PCDHA3: variants seen among roughly 807,000 people sequenced by gnomAD.
PCDHA3 encodes protocadherin alpha-3.
Under a neutral mutation model 62.2 loss-of-function variants are expected in PCDHA3, and 41 were observed. The ratio of observed to expected loss-of-function variants is 0.66; its 90% confidence interval spans 0.51 to 0.86. PCDHA3 has a LOEUF of 0.86. Ranked by LOEUF, PCDHA3 falls within the 40% of genes least tolerant of loss-of-function variation. The probability of loss-of-function intolerance (pLI) is 0.00; values close to 1 mark genes in which losing one functional copy is unlikely to be tolerated. For synonymous variants in PCDHA3, 640 were observed against 555.4 expected, an observed-to-expected ratio of 1.15 and a Z score of -2.14; for missense variants, 1,304 against 1,241.2, an observed-to-expected ratio of 1.05 and a Z score of -0.76.
At chr5:140,804,886 C>G in intron 1 of PCDHA3, 6 of 637,684 alleles carry the variant, frequency 9.4e-6, no homozygotes, top group Non-Finnish European at 1.5e-5. Flanking sequence ...TGACTCCTCT[C>G]CTTCCCCTCA....
At chr5:140,876,499 G>T in intron 1 of PCDHA3, 1 of 1,614,028 alleles carries the variant, frequency 6.2e-7, no homozygotes, top group South Asian at 1.1e-5. Flanking sequence ...AGTTCTGGAC[G>T]TGAATGACAA....
At chr5:140,985,128 G>A (rs908196925) in intron 3 of PCDHA3, among the ~76,000 whole-genome samples, 3 of 152,056 alleles carry the variant, frequency 2.0e-5, no homozygotes, top group Admixed American at 6.6e-5. Flanking sequence ...TAGTAAAGAC[G>A]GGGTTTCACC....
intron 3 of PCDHA3, among the ~76,000 whole-genome samples, chr5:141,001,365 T>C (rs577695639): frequency 6.6e-6 from 1 of 152,354 alleles, no homozygotes; most frequent in African/African-American, 2.4e-5. Context: ...AGCCTACTAT[T>C]CTGATTACAG....
chr5:140,856,074 G>A, intron 1 of PCDHA3: 1 of 1,592,254 alleles, frequency 6.3e-7, no homozygotes, highest in Non-Finnish European at 8.6e-7. Context: ...AGCTGCCTGG[G>A]GGTCCAGTGT....
chr5:140,870,218 G>A, intron 1 of PCDHA3: 1 of 1,614,172 alleles, frequency 6.2e-7, no homozygotes, highest in Non-Finnish European at 8.5e-7. Context: ...GCCCTGATCA[G>A]CGTGTCTGAC....
intron 1 of PCDHA3, among the ~76,000 whole-genome samples, chr5:140,909,018 A>AT: frequency 6.6e-6 from 1 of 152,230 alleles, no homozygotes; most frequent in East Asian, 1.9e-4. Context: ...AGGTTCCTGA[A>AT]TTTTAGTCAT....
intron 1 of PCDHA3, among the ~76,000 whole-genome samples, chr5:140,914,158 C>T (rs1041086072): frequency 1.2e-4 from 18 of 152,276 alleles, no homozygotes; most frequent in East Asian, 9.6e-4. Flanking sequence ...CTGTCCAATA[C>T]GGAAAGTGGG....
rs1347571265 is a variant in PCDHA3, at chr5:140,848,315, C to T, written c.2394+44724C>T. On this transcript the variant is annotated intron_variant, in intron 1 of 3. Transcript: ENST00000522353. ...GGCCACGTGATGTCACTCTTTGCCG[C>T]GATGTTCTCTCTGAATCCAGACAAA... is the stretch of plus-strand genomic sequence containing the variant. 5.4e-6 allele frequency: 4 copies of T among 741,056 alleles called. 1 individual carries two copies. Among genetic ancestry groups the T allele is most frequent in the East Asian group, 5.0e-5 (2 of 40,334 alleles). 45.9% of individuals were successfully genotyped at this position (741,056 alleles called of 1,614,324 possible).
At chr5:140,843,005 G>T in intron 1 of PCDHA3, 1 of 1,595,030 alleles carries the variant, frequency 6.3e-7, no homozygotes, top group East Asian at 2.2e-5. Flanking sequence ...GAATGACAAC[G>T]CGCCGGCACT....
In PCDHA3 at chr5:140,858,360, G is replaced by A. The variant is rs782369682; in HGVS notation, c.2394+54769G>A. The stretch of plus-strand genomic sequence containing the variant: ...CCCAAGGCGGACCTCATGGCCTTCA[G>A]CCCCAGCCTTCCACCATGCCCAATG... On this transcript the variant is annotated intron_variant, in intron 1 of 3. Coordinates refer to ENST00000522353, the MANE Select transcript of PCDHA3 (RefSeq NM_018906.3). 3 of 1,592,532 alleles carry A rather than the reference G, an allele frequency of 1.9e-6. No homozygotes were observed. The South Asian group carries it at 3.3e-5, about 18-fold the overall frequency.
rs73793540 is a variant in PCDHA3, at chr5:140,959,705, G to T, written c.2395-19244G>T. 8.9e-3 allele frequency among the ~76,000 whole-genome samples: 1,358 copies of T among 152,238 alleles called. 14 individuals are homozygous for T. The highest frequency in any genetic ancestry group is 0.032 in the African/African-American group (1,312 of 41,544). On this transcript the variant is annotated intron_variant, in intron 1 of 3. Coordinates refer to ENST00000522353, the MANE Select transcript of PCDHA3 (RefSeq NM_018906.3). ...AATTTCAATAAAATGAGCTTTGAAA[G>T]GGAAAATTTTTAGATAACATTATCT...
intron 1 of PCDHA3, chr5:140,883,833 C>G: frequency 6.2e-7 from 1 of 1,612,590 alleles, no homozygotes; most frequent in Non-Finnish European, 8.5e-7. Flanking sequence ...GCGCTGCAGC[C>G]GTTGGACCAC....
rs782134920 is a variant in PCDHA3, at chr5:140,869,400, C to A, written c.2394+65809C>A. ...ACCGCGAGGAGCTGTGCGGGCAGAG[C>A]GCGGAGTGCAGCATCCACCTGGAGG... On this transcript the variant is annotated intron_variant, in intron 1 of 3. Coordinates refer to ENST00000522353, the MANE Select transcript of PCDHA3 (RefSeq NM_018906.3). The A allele has an allele frequency of 5.2e-5, 84 of 1,614,026 alleles. 2 individuals carry two copies. The Admixed American group carries it at 7.2e-4, about 14-fold the overall frequency.
chr5:140,823,475 C>T, intron 1 of PCDHA3: 1 of 1,613,450 alleles, frequency 6.2e-7, no homozygotes, highest in Non-Finnish European at 8.5e-7. Flanking sequence ...CTGCTGGTGC[C>T]TCGAGTGGGT....
intron 1 of PCDHA3, among the ~76,000 whole-genome samples, chr5:140,942,305 G>A (rs2093264176): frequency 6.6e-6 from 1 of 152,106 alleles, no homozygotes; most frequent in Non-Finnish European, 1.5e-5. Context: ...AGCTACTTGG[G>A]AGGTCGAGGC....
intron 1 of PCDHA3, chr5:140,876,163 A>AC (rs782492210): frequency 6.2e-7 from 1 of 1,613,966 alleles, no homozygotes; most frequent in South Asian, 1.1e-5. Flanking sequence ...GATTCAAATA[A>AC]CCGTCCTGGA....
Position 140,805,425 on chromosome 5 carries a change from T to C in PCDHA3, c.2394+1834T>C, listed in dbSNP as rs1036330822. On this transcript the variant is annotated intron_variant, in intron 1 of 3. Coordinates refer to ENST00000522353, the MANE Select transcript of PCDHA3 (RefSeq NM_018906.3). ...CAGAAATTTGGTGGGTTTTTTGTTG[T>C]TGTTTTGGTTTTTGTGTGTGTGTGT... is the stretch of plus-strand genomic sequence containing the variant. 4 of 1,058,842 alleles carry C rather than the reference T, an allele frequency of 3.8e-6. No individual in the cohort carries two copies. In the Admixed American group the frequency reaches 1.7e-4, roughly 44 times the overall value. The allele number at this position is 1,058,842 out of a possible 1,614,324, so 65.6% of individuals were successfully genotyped here.
intron 1 of PCDHA3, among the ~76,000 whole-genome samples, chr5:140,897,709 T>C (rs1471075981): frequency 6.6e-6 from 1 of 152,212 alleles, no homozygotes; most frequent in Non-Finnish European, 1.5e-5. Context: ...TACCCAGTAA[T>C]GGGATGGCTG....
rs140423301 is a variant in PCDHA3 at position 140,995,612 on chromosome 5, C to T, written c.2542+13049C>T. Among the ~76,000 whole-genome samples, 11 of 152,156 alleles carry T rather than the reference C, an allele frequency of 7.2e-5. No individual in the cohort carries two copies. In the East Asian group the frequency reaches 2.1e-3, roughly 29 times the overall value. On this transcript the variant is annotated intron_variant, in intron 3 of 3. Transcript: ENST00000522353. ...AACTTAGTGTTTTTCTTCTCCCAAA[C>T]CAAATATTGGAAACTTTGGAGTGTT... is the stretch of plus-strand genomic sequence containing the variant.
Sources: allele counts gnomAD v4.1 joint callset (sites outside exome capture counted in the v4.1 genomes callset), GRCh38; gene constraint gnomAD v4.1.1; transcripts MANE v1.5; gene names NCBI Gene and HGNC (gene_info 2026-07-23, HGNC 2026-07-21).